The following CUBN variants were observed in gnomAD, a reference collection of about 807,000 sequenced individuals.
The protein encoded by CUBN is 460 kDa receptor.
Under a neutral mutation model 405.3 loss-of-function variants are expected in CUBN, and 282 were observed. The observed-to-expected ratio is 0.70, with a 90% CI of 0.63 to 0.77. The LOEUF is 0.77. CUBN is among the 30% of genes least tolerant of loss of function. The probability of loss-of-function intolerance (pLI) is 0.00; values close to 1 mark genes in which losing one functional copy is unlikely to be tolerated. For missense variants in CUBN, 4,514 were observed against 4,475.2 expected, an observed-to-expected ratio of 1.01 and a Z score of -0.25; for synonymous variants, 1,684 against 1,617.0, an observed-to-expected ratio of 1.04 and a Z score of -0.99.
rs1452930662 is a variant in CUBN, at chr10:17,105,403, G to T, written c.1230+54C>A. ...AATCCTATAACGTTACATTTTATAG[G>T]CGTGAAACTAATTCTCAGGTACTCT... On this transcript the variant is annotated intron_variant, in intron 11 of 66. Transcript: ENST00000377833. 6 of 989,752 alleles carry T rather than the reference G, an allele frequency of 6.1e-6. No individual in the cohort carries two copies. The African/African-American group carries it at 9.4e-5, about 16-fold the overall frequency. 61.3% of individuals were successfully genotyped at this position (989,752 alleles called of 1,614,324 possible).
At chr10:17,123,880 A>G (rs774106703) in intron 4 of CUBN, among the ~76,000 whole-genome samples, 191 bp from the exon 5 acceptor site, 31 of 152,126 alleles carry the variant, frequency 2.0e-4, no homozygotes, top group Admixed American at 1.6e-3. Context: ...TCTATTATCA[A>G]TCTTGTTCCT....
chr10:17,008,252 T>TGTGTGC (rs1834083124), intron 28 of CUBN, among the ~76,000 whole-genome samples: 1 of 149,456 alleles, frequency 6.7e-6, no homozygotes, highest in African/African-American at 2.5e-5. Flanking sequence ...TGTGTGTGTG[T>TGTGTGC]GTGTGTGTGT....
rs1391028333 is a variant in CUBN at position 17,104,502 on chromosome 10, C to A, written c.1334G>T (p.Gly445Val). 1 of 1,613,960 alleles carries A rather than the reference C, an allele frequency of 6.2e-7. No homozygotes were observed. Among genetic ancestry groups the A allele is most frequent in the Admixed American group, 1.7e-5 (1 of 60,000 alleles). Residue 445 changes from glycine (G) to valine (V), a missense_variant, in exon 12 of 67, where the codon GGA becomes GTA. Gly to Val is a moderately radical substitution (Grantham distance 109). This residue lies in a region of CUBN where 1,448 missense variants were observed against 1,388.0 expected (regional missense o/e 1.04). Transcript: ENST00000377833. ...ECLSNPCLNG[G>V]TCVDGVDSFS... ...AGAATCAACGCCATCAACACAAGTT[C>A]CTCCATTCAAACAGGGGTTGCTCAA...
chr10:17,109,924 C>T (rs532796503), intron 9 of CUBN, among the ~76,000 whole-genome samples, 189 bp from the exon 10 acceptor site: 2 of 151,946 alleles, frequency 1.3e-5, no homozygotes, highest in South Asian at 2.1e-4. Flanking sequence ...GAATTAGTAA[C>T]CTGATTTCAT....
chr10:17,018,112 A>T (rs905840350), intron 28 of CUBN, among the ~76,000 whole-genome samples: 8 of 152,154 alleles, frequency 5.3e-5, no homozygotes, highest in African/African-American at 1.9e-4. Flanking sequence ...GGGGGTTGTT[A>T]GAGAGCCGTT....
chr10:17,061,846 C>T lies in CUBN; in HGVS notation c.3139+3662G>A, dbSNP rs150897657. Among the ~76,000 whole-genome samples the T allele has an allele frequency of 4.1e-4, 62 of 152,182 alleles. 1 individual carries two copies. Among genetic ancestry groups the T allele is most frequent in the African/African-American group, 1.3e-3 (56 of 41,504 alleles). ...GCTGTTATATGCAGTTCATTTAGAGCGTTTCTAAGAGCTAACCTAGACATG... is the reference window on the plus strand; with the variant it reads ...GCTGTTATATGCAGTTCATTTAGAGTGTTTCTAAGAGCTAACCTAGACATG... On this transcript the variant is annotated intron_variant, in intron 22 of 66. Transcript: ENST00000377833.
intron 19 of CUBN, 39 bp from the exon 20 acceptor site, chr10:17,068,809 C>T (rs749817708): frequency 3.7e-5 from 55 of 1,489,374 alleles, no homozygotes; most frequent in Non-Finnish European, 4.9e-5. Flanking sequence ...TGTTGTATAT[C>T]AATTTTGAAA....
intron 27 of CUBN, among the ~76,000 whole-genome samples, chr10:17,028,642 A>G (rs1276224634): frequency 5.3e-5 from 8 of 151,898 alleles, no homozygotes; most frequent in Middle Eastern, 3.4e-3. Context: ...AATGACTTGA[A>G]TCTGGGAGGC....
Position 16,954,371 on chromosome 10 carries a change from G to A in CUBN, c.4855+18C>T, listed in dbSNP as rs531868020. On this transcript the variant is annotated intron_variant, in intron 32 of 66. Transcript: ENST00000377833. ...TGAAGATTTCTCTTGTGCCTGGGAA[G>A]ATCCACAGGGTACTTGCCTTGCCTG... is the stretch of plus-strand genomic sequence containing the variant. The A allele has an allele frequency of 6.2e-7, 1 of 1,613,904 alleles. No homozygotes were observed. Among genetic ancestry groups the A allele is most frequent in the African/African-American group, 1.3e-5 (1 of 75,026 alleles).
At chr10:16,839,763 A>G (rs12357884) in intron 62 of CUBN, among the ~76,000 whole-genome samples, 32,024 of 151,230 alleles carry the variant, frequency 0.21, 6,187 homozygotes, top group African/African-American at 0.5. Context: ...AGACACATGC[A>G]CACGTATGTT....
At chr10:16,894,895 A>T (rs913189828) in intron 54 of CUBN, among the ~76,000 whole-genome samples, 1 of 152,106 alleles carries the variant, frequency 6.6e-6, no homozygotes, top group African/African-American at 2.4e-5. Flanking sequence ...GATCCTGCAC[A>T]TATTTGTTTG....
At chr10:16,961,408 C>A (rs1372586512) in intron 31 of CUBN, among the ~76,000 whole-genome samples, 1 of 152,142 alleles carries the variant, frequency 6.6e-6, no homozygotes, top group Non-Finnish European at 1.5e-5. Flanking sequence ...AGGAGATTTG[C>A]ATAAATGTCC....
chr10:16,861,102 G>C (rs898512165), intron 59 of CUBN, among the ~76,000 whole-genome samples: 1 of 151,878 alleles, frequency 6.6e-6, no homozygotes, highest in Non-Finnish European at 1.5e-5. Context: ...GAAATGGGAT[G>C]CACCTGTAAC....
rs1839088563 is a variant in CUBN at position 16,833,924 on chromosome 10, A to G, written c.10362+1090T>C. Among the ~76,000 whole-genome samples, 3 of 152,236 alleles carry G rather than the reference A, an allele frequency of 2.0e-5. No individual in the cohort carries two copies. The South Asian group carries it at 6.2e-4, about 31-fold the overall frequency. ...AAATACAACTCCAGATCAGGGGTAGAGGAACAAGCACACTTTTTGGAAACT... is the reference window on the plus strand; with the variant it reads ...AAATACAACTCCAGATCAGGGGTAGGGGAACAAGCACACTTTTTGGAAACT... On this transcript the variant is annotated intron_variant, in intron 64 of 66. Transcript: ENST00000377833.
At chr10:16,923,658 A>G (rs1005989213) in intron 43 of CUBN, among the ~76,000 whole-genome samples, 3 of 152,254 alleles carry the variant, frequency 2.0e-5, no homozygotes, top group South Asian at 2.1e-4. Context: ...CCATAACCAT[A>G]CTTGCATGAA....
intron 19 of CUBN, among the ~76,000 whole-genome samples, chr10:17,071,072 G>T (rs111690690): frequency 6.6e-6 from 1 of 152,308 alleles, no homozygotes; most frequent in African/African-American, 2.4e-5. Flanking sequence ...CATCATGAAA[G>T]GATGTTGAAT....
At chr10:17,047,287 G>C (rs916623755) in intron 23 of CUBN, 127 bp downstream of exon 23, 4 of 696,918 alleles carry the variant, frequency 5.7e-6, no homozygotes, top group Non-Finnish European at 9.3e-6. Context: ...TTTATTTCTT[G>C]CAAGAAAGTG....
At chr10:16,996,625 T>C (rs1833743016) in intron 28 of CUBN, among the ~76,000 whole-genome samples, 1 of 152,068 alleles carries the variant, frequency 6.6e-6, no homozygotes, top group Non-Finnish European at 1.5e-5. Context: ...CTGTGTGTTT[T>C]TAATAAGAGC....
At chr10:16,905,623 C>T (rs1027945524) in intron 50 of CUBN, among the ~76,000 whole-genome samples, 1 of 152,176 alleles carries the variant, frequency 6.6e-6, no homozygotes, top group African/African-American at 2.4e-5. Context: ...CGGCAAAAGT[C>T]ACATGCCGGG....
Sources: allele counts gnomAD v4.1 joint callset (sites outside exome capture counted in the v4.1 genomes callset), GRCh38; gene constraint gnomAD v4.1.1; regional missense constraint gnomAD v4.1.1; transcripts MANE v1.5; gene names NCBI Gene and HGNC (gene_info 2026-07-23, HGNC 2026-07-21).